Variants in ELP2 observed in about 807,000 individuals in gnomAD.
ELP2 encodes elongator complex protein 2.
Under a neutral mutation model 119.2 loss-of-function variants are expected in ELP2, and 90 were observed. That is an observed-to-expected ratio of 0.75 (90% confidence interval 0.64 to 0.90). ELP2 has a LOEUF of 0.90. Among genes scored for constraint, ELP2 ranks in the 40% least tolerant of loss-of-function variants. The pLI is 0.00. For missense variants in ELP2, 921 were observed against 967.8 expected (o/e 0.95, Z 0.64); for synonymous variants, 339 against 331.0 (o/e 1.02, Z -0.26).
chr18:36,136,246 A>G, intron 2 of ELP2, 61 bp from the exon 3 acceptor site: 1 of 1,336,656 alleles, frequency 7.5e-7, no homozygotes. Context: ...GTAGCTTGGA[A>G]ATTTTTAAAA....
intron 11 of ELP2, among the ~76,000 whole-genome samples, chr18:36,154,441 A>T (rs946741765): frequency 6.6e-6 from 1 of 152,200 alleles, no homozygotes; most frequent in South Asian, 2.1e-4. Flanking sequence ...ATTTTTATTT[A>T]GTTTAATAAA....
intron 3 of ELP2, chr18:36,137,190 A>T (rs1256009291): frequency 6.6e-6 from 1 of 151,976 alleles, no homozygotes; most frequent in African/African-American, 2.4e-5. Context: ...TTTTGAGGTG[A>T]GATCTGGCTG....
chr18:36,143,332 G>A (rs896296366), intron 8 of ELP2, among the ~76,000 whole-genome samples: 2 of 151,776 alleles, frequency 1.3e-5, no homozygotes, highest in African/African-American at 4.8e-5. Context: ...ATGTTAGCCA[G>A]GCTGGTCTCG....
At chr18:36,167,251 C>A in intron 19 of ELP2, 29 bp downstream of exon 19, 1 of 1,488,532 alleles carries the variant, frequency 6.7e-7, no homozygotes, top group African/African-American at 1.4e-5. Flanking sequence ...AATATTTTTT[C>A]AAATGTAAAA....
intron 11 of ELP2, among the ~76,000 whole-genome samples, chr18:36,151,595 G>A (rs2090401093): frequency 6.6e-6 from 1 of 151,926 alleles, no homozygotes; most frequent in African/African-American, 2.4e-5. Flanking sequence ...GATCTCTTGA[G>A]CCCAGGAGTT....
At chr18:36,136,180 A>ATGATATTTCTTTAGTTATCTT (rs2089816999) in intron 2 of ELP2, 127 bp from the exon 3 acceptor site, 5 of 712,962 alleles carry the variant, frequency 7.0e-6, no homozygotes, top group African/African-American at 5.4e-5. Flanking sequence ...CAAATATGGC[A>ATGATATTTCTTTAGTTATCTT]AAATGTTACC....
At chr18:36,164,787 A>G in intron 18 of ELP2, 120 bp downstream of exon 18, 1 of 939,344 alleles carries the variant, frequency 1.1e-6, no homozygotes, top group Non-Finnish European at 1.7e-6. Flanking sequence ...CATGTCTTTG[A>G]AGCCTTTCAA....
At chr18:36,164,350 A>C in intron 17 of ELP2, 125 bp from the exon 18 acceptor site, 1 of 860,004 alleles carries the variant, frequency 1.2e-6, no homozygotes, top group Non-Finnish European at 1.9e-6. Flanking sequence ...ATCTCCTAGG[A>C]ATTTTTTTTG....
intron 18 of ELP2, 130 bp from the exon 19 acceptor site, chr18:36,166,971 A>C (rs568687249): frequency 5.1e-6 from 5 of 972,650 alleles, no homozygotes; most frequent in Non-Finnish European, 7.2e-6. Context: ...GCTTCAGTCT[A>C]TTTCAAAAGT....
At position 36,167,288 on chromosome 18, in the gene ELP2, T is replaced by C. The variant is rs1353321257; in HGVS notation, c.2076+66T>C. 2.1e-5 allele frequency: 26 copies of C among 1,253,136 alleles called. No individual in the cohort carries two copies. In the Middle Eastern group the frequency reaches 7.8e-4, roughly 38 times the overall value. The allele number at this position is 1,253,136 out of a possible 1,614,324, so 77.6% of individuals were successfully genotyped here. On this transcript the variant is annotated intron_variant, in intron 19 of 21. Coordinates refer to ENST00000358232, the MANE Select transcript of ELP2 (RefSeq NM_018255.4). ...TAATATTTTTATAGGTATGTTTGAA[T>C]AAAAAATGCATAATCCTGCCTTTCT...
In ELP2 at chr18:36,159,844, A is replaced by G; in HGVS notation, c.1630+14A>G. On this transcript the variant is annotated intron_variant, in intron 15 of 21. Coordinates refer to ENST00000358232, the MANE Select transcript of ELP2 (RefSeq NM_018255.4). ...CCATACTTACTGGTAAGATGTGACA[A>G]AGACAATTTAATAAATCGCTAGAAC... is the stretch of plus-strand genomic sequence containing the variant. 1.2e-6 allele frequency: 2 copies of G among 1,611,988 alleles called. No individual in the cohort carries two copies. Among genetic ancestry groups the G allele is most frequent in the Non-Finnish European group, 1.7e-6 (2 of 1,178,158 alleles).
intron 8 of ELP2, among the ~76,000 whole-genome samples, chr18:36,144,400 C>T (rs1382425318): frequency 6.6e-6 from 1 of 152,134 alleles, no homozygotes; most frequent in Non-Finnish European, 1.5e-5. Context: ...ACTCACAGTT[C>T]TGCAAAGCTG....
intron 11 of ELP2, among the ~76,000 whole-genome samples, chr18:36,153,507 G>T (rs2090468101): frequency 1.3e-5 from 2 of 152,234 alleles, no homozygotes; most frequent in East Asian, 1.9e-4. Flanking sequence ...CCAAGCAGCA[G>T]ACACCAGCTG....
rs2090192649 is a variant in ELP2 at position 36,146,168 on chromosome 18, AAC to A, written c.994-80_994-79del. The A allele has an allele frequency of 3.1e-6, 5 of 1,590,430 alleles. No individual in the cohort carries two copies. In the Admixed American group the frequency reaches 6.7e-5, roughly 21 times the overall value. Reference sequence around the variant, plus strand: ...GTGTACATTAAAATAGTGGGAATTTAACAGTCTCTGGAATCAGCGATTTCTGT... The same window carrying A: ...GTGTACATTAAAATAGTGGGAATTTAAGTCTCTGGAATCAGCGATTTCTGT... On this transcript the variant is annotated intron_variant, in intron 10 of 21. Coordinates refer to ENST00000358232, the MANE Select transcript of ELP2 (RefSeq NM_018255.4).
chr18:36,159,239 A>C (rs1305883652), intron 14 of ELP2, among the ~76,000 whole-genome samples: 1 of 151,900 alleles, frequency 6.6e-6, no homozygotes, highest in Non-Finnish European at 1.5e-5. Context: ...CAGCCTCCCA[A>C]ATAGCTGGGA....
intron 14 of ELP2, among the ~76,000 whole-genome samples, chr18:36,159,204 C>T (rs947439612): frequency 6.6e-6 from 1 of 151,844 alleles, no homozygotes; most frequent in African/African-American, 2.4e-5. Flanking sequence ...CCTCTGCCTC[C>T]TGGCTTCAAG....
chr18:36,180,212 G>C lies in ELP2; in HGVS notation c.*5571G>C, dbSNP rs1384582621. The C allele has an allele frequency of 6.6e-6, 1 of 152,162 alleles. No homozygotes were observed. The highest frequency in any genetic ancestry group is 1.5e-5 in the Non-Finnish European group (1 of 68,042). 9.4% of individuals were successfully genotyped at this position (152,162 alleles called of 1,614,324 possible). ...GTTCCAGCCAGCAAAGAGGAAGAAG[G>C]CATGAAGAAAGGCCTGCCCCTGACT... On this transcript the variant is annotated 3_prime_UTR_variant, in exon 22 of 22. Coordinates refer to ENST00000358232, the MANE Select transcript of ELP2 (RefSeq NM_018255.4).
chr18:36,152,300 C>G (rs2090430120), intron 11 of ELP2, among the ~76,000 whole-genome samples: 1 of 151,992 alleles, frequency 6.6e-6, no homozygotes, highest in African/African-American at 2.4e-5. Context: ...GCCTTTGAAT[C>G]TCTCCCTTTT....
chr18:36,139,816 C>A, intron 5 of ELP2: 1 of 363,430 alleles, frequency 2.8e-6, no homozygotes. Flanking sequence ...ACAGTCACAT[C>A]TTTCATAGCT....
Sources: gnomAD v4.1 joint callset for allele counts (sites outside exome capture counted in the v4.1 genomes callset) on GRCh38, gnomAD v4.1.1 for gene constraint, MANE v1.5 for transcripts, NCBI Gene and HGNC (gene_info 2026-07-23, HGNC 2026-07-21) for gene names.